CEBPZ: variants seen among roughly 807,000 people sequenced by gnomAD.
CEBPZ encodes the protein CCAAT/enhancer-binding protein zeta.
A neutral mutation model predicts 104.5 loss-of-function variants in CEBPZ; 78 were observed. That is an observed-to-expected ratio of 0.75 (90% confidence interval 0.62 to 0.90). The LOEUF is 0.90. Ranked by LOEUF, CEBPZ falls within the 40% of genes least tolerant of loss-of-function variation. CEBPZ has a pLI of 0.00. For synonymous variants in CEBPZ, 470 were observed against 427.0 expected (o/e 1.10, Z -1.24); for missense variants, 1,439 against 1,233.5 (o/e 1.17, Z -2.50).
In CEBPZ at chr2:37,216,988, A is replaced by T; in HGVS notation, c.2204T>A (p.Leu735His). Residue 735 changes from leucine to histidine, a missense_variant, in exon 6 of 16, where the codon CTT becomes CAT. Leu to His is a moderately conservative substitution (Grantham distance 99, BLOSUM62 -3). Transcript: ENST00000234170. ...TTGGATTTATTTTAGACTCACCTGA[A>T]GGATGGTCTTTGCAAAAAGGGCCAC... ...PSVALFAKTILQGNYIQYSGD... is the reference protein window; with the variant it reads ...PSVALFAKTIHQGNYIQYSGD... The T allele has an allele frequency of 1.2e-6, 2 of 1,611,746 alleles. No homozygotes were observed. The highest frequency in any genetic ancestry group is 8.5e-7 in the Non-Finnish European group (1 of 1,177,860).
intron 13 of CEBPZ, among the ~76,000 whole-genome samples, chr2:37,206,428 G>A (rs1046052837): frequency 1.3e-5 from 2 of 152,232 alleles, no homozygotes; most frequent in African/African-American, 4.8e-5. Context: ...TGTGATCTTG[G>A]CTCACTGCGA....
chr2:37,207,824 T>C (rs1347045169), intron 13 of CEBPZ, among the ~76,000 whole-genome samples: 1 of 151,852 alleles, frequency 6.6e-6, no homozygotes, highest in Non-Finnish European at 1.5e-5. Flanking sequence ...TAAATAAAAC[T>C]GAAGCAAACA....
Position 37,213,940 on chromosome 2 carries a change from A to T in CEBPZ, c.2469T>A (p.Val823=), listed in dbSNP as rs763976668. 6.3e-7 allele frequency: 1 copy of T among 1,576,520 alleles called. No homozygotes were observed. Among genetic ancestry groups the T allele is most frequent in the Non-Finnish European group, 8.6e-7 (1 of 1,165,588 alleles). The stretch of plus-strand genomic sequence containing the variant: ...CTGCATCCCGTTTTTGTTTCTCTTT[A>T]ACAGCAACTTTTTTATAATACCTAT... ...FFHRYYKKVA[V]KEKQKRDADE... The change falls in exon 10 of 16, where the codon GTT becomes GTA. Residue 823 remains valine, a synonymous_variant. Transcript: ENST00000234170.
intron 12 of CEBPZ, chr2:37,211,557 C>A (rs886812217): frequency 8.0e-5 from 26 of 325,244 alleles, no homozygotes; most frequent in Non-Finnish European, 1.2e-4. Context: ...TAATTACTAT[C>A]AAAAAATGGC....
chr2:37,212,655 T>C, intron 10 of CEBPZ: 1 of 481,174 alleles, frequency 2.1e-6, no homozygotes, highest in Non-Finnish European at 3.7e-6. Flanking sequence ...AGAGGATAAA[T>C]ATCAAATAAA....
intron 8 of CEBPZ, 48 bp from the exon 9 acceptor site, chr2:37,215,000 T>C (rs1378935906): frequency 8.4e-7 from 1 of 1,195,342 alleles, no homozygotes; most frequent in East Asian, 2.3e-5. Flanking sequence ...CAATCCCCTT[T>C]ATGTTACTCA....
chr2:37,222,973 G>C (rs1311571825), intron 3 of CEBPZ, among the ~76,000 whole-genome samples, 197 bp downstream of exon 3: 1 of 152,144 alleles, frequency 6.6e-6, no homozygotes, highest in Non-Finnish European at 1.5e-5. Context: ...ACAGTTTATT[G>C]CAAGTAGAAG....
At chr2:37,213,527 TC>T (rs1677792269) in intron 10 of CEBPZ, 1 of 174,710 alleles carries the variant, frequency 5.7e-6, no homozygotes, top group Non-Finnish European at 1.2e-5. Context: ...TTCTCGTGCC[TC>T]TGCTTCTCGA....
chr2:37,204,832 G>A (rs1254814839), intron 13 of CEBPZ: 1 of 152,088 alleles, frequency 6.6e-6, no homozygotes, highest in African/African-American at 2.4e-5. Flanking sequence ...AATCCTTTCA[G>A]GCTAATGTCT....
chr2:37,225,506 AGGGC>A (rs1285963932), intron 2 of CEBPZ, among the ~76,000 whole-genome samples: 1 of 145,212 alleles, frequency 6.9e-6, no homozygotes, highest in African/African-American at 2.6e-5. Flanking sequence ...GAATGGATTA[AGGGC>A]GGTGCAAGAT....
At position 37,227,582 on chromosome 2, in the gene CEBPZ, C is replaced by T. The variant is rs146958553; in HGVS notation, c.1611G>A (p.Gln537=). The part of the protein sequence containing the change: ...LMLLFQVMNS[Q]QTISDRYYTA... ...TGTAATATCGATCCGATATTGTCTG[C>T]TGAGAATTCATTACTTGGAAAAGCA... Residue 537 remains glutamine, a synonymous_variant, in exon 2 of 16, where the codon CAG becomes CAA. Coordinates refer to ENST00000234170, the MANE Select transcript of CEBPZ (RefSeq NM_005760.3). 32 of 1,613,302 alleles carry T rather than the reference C, an allele frequency of 2.0e-5. No homozygotes were observed. The highest frequency in any genetic ancestry group is 2.5e-5 in the Non-Finnish European group (29 of 1,179,720).
intron 13 of CEBPZ, among the ~76,000 whole-genome samples, chr2:37,206,170 T>C (rs1677532723): frequency 6.6e-6 from 1 of 152,118 alleles, no homozygotes; most frequent in Non-Finnish European, 1.5e-5. Flanking sequence ...AAATGGCGGA[T>C]AAGGGGACAG....
chr2:37,231,305 C>A, intron 1 of CEBPZ, 107 bp downstream of exon 1: 2 of 1,501,854 alleles, frequency 1.3e-6, no homozygotes, highest in South Asian at 1.1e-5. Context: ...GGATCTCGGT[C>A]CTGGACGCCC....
rs752852002 is a variant in CEBPZ, at chr2:37,231,446, G to A, written c.122C>T (p.Ser41Phe). ...TCCGAGCCGTAACACTTCCTCCAGG[G>A]AGAACCCATTCTCGGCTTCACTAGT... ...DNTSEAENGFSLEEVLRLGGT... is the reference protein window; with the variant it reads ...DNTSEAENGFFLEEVLRLGGT... The change falls in exon 1 of 16, where the codon TCC becomes TTC. Residue 41 changes from serine (S) to phenylalanine (F), a missense_variant. Transcript: ENST00000234170. 6.2e-7 allele frequency: 1 copy of A among 1,614,184 alleles called. No homozygotes were observed. Among genetic ancestry groups the A allele is most frequent in the Non-Finnish European group, 8.5e-7 (1 of 1,180,032 alleles).
chr2:37,211,103 C>T (rs1401234171), intron 12 of CEBPZ, 21 bp from the exon 13 acceptor site: 4 of 1,544,556 alleles, frequency 2.6e-6, no homozygotes, highest in Non-Finnish European at 3.5e-6. Context: ...AAAAAATTTG[C>T]TAATAAGCAA....
Position 37,216,378 on chromosome 2 carries a change from A to G in CEBPZ, c.2249T>C (p.Phe750Ser). The change falls in exon 7 of 16, where the codon TTC (phenylalanine) becomes TCC (serine). Residue 750 changes from phenylalanine (F) to serine (S), a missense_variant. By Grantham distance (155) the Phe-to-Ser change is radical. Coordinates refer to ENST00000234170, the MANE Select transcript of CEBPZ (RefSeq NM_005760.3). ...IQYSGDPLQD[F>S]TLMRFLDRFV... ...TCGATCCAAAAATCTCATTAGAGTG[A>G]AATCCTGCAGTGGGTCCCCTGAATA... 6.2e-7 allele frequency: 1 copy of G among 1,613,890 alleles called. No homozygotes were observed. Among genetic ancestry groups the G allele is most frequent in the Non-Finnish European group, 8.5e-7 (1 of 1,179,908 alleles).
intron 2 of CEBPZ, among the ~76,000 whole-genome samples, chr2:37,225,169 T>C (rs972473792): frequency 2.0e-5 from 3 of 152,152 alleles, no homozygotes; most frequent in African/African-American, 7.2e-5. Flanking sequence ...CTTCAAAGAG[T>C]TGTGGAAAGG....
At chr2:37,212,855 AAAC>A (rs1331263193) in intron 10 of CEBPZ, among the ~76,000 whole-genome samples, 1 of 147,612 alleles carries the variant, frequency 6.8e-6, no homozygotes, top group Non-Finnish European at 1.5e-5. Context: ...AAAAAAACAA[AAAC>A]AACAACAACA....
At chr2:37,204,533 C>A (rs1243772401) in intron 13 of CEBPZ, 1 of 152,214 alleles carries the variant, frequency 6.6e-6, no homozygotes, top group Admixed American at 6.5e-5. Context: ...GCCTTGGCCT[C>A]CCAAAGTGCT....
Sources: gnomAD v4.1 joint callset for allele counts (sites outside exome capture counted in the v4.1 genomes callset) on GRCh38, gnomAD v4.1.1 for gene constraint, MANE v1.5 for transcripts, NCBI Gene and HGNC (gene_info 2026-07-23, HGNC 2026-07-21) for gene names.